The following FOXK2 variants were observed in gnomAD, a reference collection of about 807,000 sequenced individuals.
The protein encoded by FOXK2 is forkhead box protein K2.
Under a neutral mutation model 53.3 loss-of-function variants are expected in FOXK2, and 24 were observed. That is an observed-to-expected ratio of 0.45 (90% confidence interval 0.33 to 0.63). The LOEUF (loss-of-function observed/expected upper bound fraction) is 0.63, where lower values mean the gene tolerates loss of function less well. Among genes scored for constraint, FOXK2 ranks in the 30% least tolerant of loss-of-function variants. The probability of loss-of-function intolerance (pLI) is 0.03; values close to 1 mark genes in which losing one functional copy is unlikely to be tolerated. For synonymous variants in FOXK2, 505 were observed against 407.1 expected, an observed-to-expected ratio of 1.24 and a Z score of -2.89; for missense variants, 952 against 910.5, an observed-to-expected ratio of 1.05 and a Z score of -0.59.
At chr17:82,579,519 G>A in intron 4 of FOXK2, among the ~76,000 whole-genome samples, 1 of 144,742 alleles carries the variant, frequency 6.9e-6, no homozygotes, top group Admixed American at 6.9e-5. Context: ...ACATGGCCTA[G>A]CCCTCCTCTC....
At chr17:82,579,955 GC>G (rs2045038456) in intron 4 of FOXK2, among the ~76,000 whole-genome samples, 1 of 78,636 alleles carries the variant, frequency 1.3e-5, no homozygotes, top group Non-Finnish European at 2.5e-5. Context: ...TCTCCATGTC[GC>G]CCATGAAGTA....
intron 5 of FOXK2, among the ~76,000 whole-genome samples, chr17:82,583,177 G>T (rs937139336): frequency 1.3e-5 from 2 of 152,218 alleles, no homozygotes; most frequent in African/African-American, 4.8e-5. Flanking sequence ...GCTTCATGGG[G>T]CTCATCGCAT....
chr17:82,526,492 G>A (rs1315509946), intron 1 of FOXK2, among the ~76,000 whole-genome samples: 2 of 152,054 alleles, frequency 1.3e-5, no homozygotes, highest in Non-Finnish European at 2.9e-5. Context: ...TAGGAGGAGC[G>A]GAAACCTCAT....
chr17:82,520,618 G>T (rs2044351904), intron 1 of FOXK2, among the ~76,000 whole-genome samples: 1 of 152,238 alleles, frequency 6.6e-6, no homozygotes, highest in African/African-American at 2.4e-5. Context: ...GGGAGTTCAC[G>T]TGTGCTGTTT....
intron 1 of FOXK2, among the ~76,000 whole-genome samples, chr17:82,539,464 T>C (rs1177664459): frequency 6.6e-6 from 1 of 151,834 alleles, no homozygotes; most frequent in Non-Finnish European, 1.5e-5. Context: ...CTGGACAACA[T>C]AGATGGACCC....
At chr17:82,574,106 C>CGT in intron 4 of FOXK2, among the ~76,000 whole-genome samples, 1 of 152,328 alleles carries the variant, frequency 6.6e-6, no homozygotes, top group South Asian at 2.1e-4. Flanking sequence ...GACTAGCACA[C>CGT]GTCAGGCACC....
At chr17:82,551,255 T>G (rs865790132) in intron 1 of FOXK2, among the ~76,000 whole-genome samples, 21 of 151,940 alleles carry the variant, frequency 1.4e-4, no homozygotes, top group African/African-American at 3.9e-4. Context: ...AGGCGGAGTT[T>G]GCAGTGAGCT....
intron 3 of FOXK2, among the ~76,000 whole-genome samples, chr17:82,568,757 C>T (rs1167840560): frequency 1.3e-5 from 2 of 152,162 alleles, no homozygotes; most frequent in African/African-American, 2.4e-5. Context: ...TGCCTGTAAT[C>T]CCAGCACTTT....
Position 82,534,088 on chromosome 17 carries a change from A to AAG in FOXK2, c.419+13785_419+13786dup, listed in dbSNP as rs1316530662. Among the ~76,000 whole-genome samples, 11 of 151,802 alleles carry AAG rather than the reference A, an allele frequency of 7.2e-5. No individual in the cohort carries two copies. The East Asian group carries it at 1.9e-3, about 27-fold the overall frequency. Reference sequence around the variant, plus strand: ...AGACACTGTCTCAAAAAAAAAAAAAAAGAGAAAAATAGCCAGATGTTGTGG... The same window carrying AAG: ...AGACACTGTCTCAAAAAAAAAAAAAAAGAGAGAAAAATAGCCAGATGTTGTGG... On this transcript the variant is annotated intron_variant, in intron 1 of 8. Coordinates refer to ENST00000335255, the MANE Select transcript of FOXK2 (RefSeq NM_004514.4).
At chr17:82,565,611 C>T (rs1315544808) in intron 2 of FOXK2, among the ~76,000 whole-genome samples, 1 of 152,248 alleles carries the variant, frequency 6.6e-6, no homozygotes, top group African/African-American at 2.4e-5. Context: ...GAGATCCCAC[C>T]TCACACCCAT....
Position 82,520,265 on chromosome 17 carries a change from T to G in FOXK2, c.377T>G (p.Val126Gly). The G allele has an allele frequency of 1.6e-6, 2 of 1,279,274 alleles. No individual in the cohort carries two copies. Among genetic ancestry groups the G allele is most frequent in the Non-Finnish European group, 2.0e-6 (2 of 1,009,296 alleles). 79.2% of individuals were successfully genotyped at this position (1,279,274 alleles called of 1,614,324 possible). A position where few individuals can be genotyped will look rare whatever the true frequency, so the allele number is the denominator to read the frequency against. ...LGKNGVFVDG[V>G]FQRRGAPPLQ... ...AAGAACGGGGTATTCGTGGACGGCG[T>G]GTTCCAGAGGCGCGGGGCGCCGCCG... Residue 126 changes from valine (V) to glycine (G), a missense_variant, in exon 1 of 9, where the codon GTG becomes GGG. Coordinates refer to ENST00000335255, the MANE Select transcript of FOXK2 (RefSeq NM_004514.4).
chr17:82,594,023 T>C (rs2143161750), intron 8 of FOXK2: 1 of 152,348 alleles, frequency 6.6e-6, no homozygotes, highest in African/African-American at 2.4e-5. Context: ...GCGGTGGCAG[T>C]GGAGCAGCTG....
At chr17:82,520,502 C>G (rs1380737050) in intron 1 of FOXK2, among the ~76,000 whole-genome samples, 195 bp downstream of exon 1, 5 of 151,422 alleles carry the variant, frequency 3.3e-5, no homozygotes, top group African/African-American at 9.7e-5. Context: ...CCCGTCCTCC[C>G]GGTCCCCTTC....
intron 1 of FOXK2, among the ~76,000 whole-genome samples, chr17:82,560,508 C>T (rs933596907): frequency 6.6e-6 from 1 of 152,058 alleles, no homozygotes; most frequent in African/African-American, 2.4e-5. Context: ...CGGTTCCACC[C>T]TGGCGCTGTG....
In FOXK2 at chr17:82,587,062, G is replaced by C. The variant is rs776241631; in HGVS notation, c.1577-1G>C. The C allele has an allele frequency of 6.2e-7, 1 of 1,611,272 alleles. No homozygotes were observed. The highest frequency in any genetic ancestry group is 1.3e-5 in the African/African-American group (1 of 74,842). ...TGTCGTTTCTTTTCCTTTAATTTCAGTGAAAGTAGAGCCTATTCCCGCCAT... is the reference window on the plus strand; with the variant it reads ...TGTCGTTTCTTTTCCTTTAATTTCACTGAAAGTAGAGCCTATTCCCGCCAT... On this transcript the variant is annotated splice_acceptor_variant, in intron 7 of 8. Coordinates refer to ENST00000335255, the MANE Select transcript of FOXK2 (RefSeq NM_004514.4). LOFTEE classifies it high-confidence loss of function.
chr17:82,526,158 G>A (rs1400743375), intron 1 of FOXK2, among the ~76,000 whole-genome samples: 1 of 152,220 alleles, frequency 6.6e-6, no homozygotes, highest in East Asian at 1.9e-4. Flanking sequence ...GGCTTCTGGA[G>A]CTTTCCAGGT....
intron 2 of FOXK2, 45 bp from the exon 3 acceptor site, chr17:82,568,009 G>A (rs1005501765): frequency 1.4e-5 from 21 of 1,517,660 alleles, no homozygotes; most frequent in Middle Eastern, 1.7e-4. Context: ...AGTAGGATGC[G>A]TGCACTGTGA....
intron 2 of FOXK2, 103 bp from the exon 3 acceptor site, chr17:82,567,951 C>G: frequency 3.1e-6 from 1 of 325,320 alleles, no homozygotes; most frequent in Non-Finnish European, 4.8e-6. Flanking sequence ...TTTTTTTTAA[C>G]ATTTCTGTAT....
chr17:82,556,299 C>T (rs184036976), intron 1 of FOXK2, among the ~76,000 whole-genome samples: 2 of 151,722 alleles, frequency 1.3e-5, no homozygotes, highest in Non-Finnish European at 2.9e-5. Flanking sequence ...CAAAAATTAG[C>T]AGGGCATGGT....
Sources: gnomAD v4.1 joint callset for allele counts (sites outside exome capture counted in the v4.1 genomes callset) on GRCh38, gnomAD v4.1.1 for gene constraint, MANE v1.5 for transcripts, NCBI Gene and HGNC (gene_info 2026-07-23, HGNC 2026-07-21) for gene names.